The following C11orf65 variants were observed in gnomAD, a reference collection of about 807,000 sequenced individuals.
C11orf65 encodes chromosome 11 open reading frame 65.
C11orf65 carries 38 observed loss-of-function variants against 35.3 expected under a neutral mutation model. The observed-to-expected ratio is 1.08, with a 90% CI of 0.83 to 1.41. C11orf65 has a LOEUF of 1.41. Among genes scored for constraint, C11orf65 ranks in the 40% most tolerant of loss-of-function variants. The pLI, the probability that C11orf65 is intolerant of heterozygous loss-of-function variation, is 0.00. For synonymous variants in C11orf65, 105 were observed against 114.4 expected (o/e 0.92, Z 0.53); for missense variants, 370 against 367.1 (o/e 1.01, Z -0.06).
chr11:108,334,056 A>G (rs972672437), intron 3 of C11orf65: 1 of 1,048,072 alleles, frequency 9.5e-7, no homozygotes, highest in Non-Finnish European at 1.5e-6. Flanking sequence ...ATGTAGGTCA[A>G]AATTGGTTAA....
chr11:108,441,252 A>G (rs933903330), intron 2 of C11orf65, among the ~76,000 whole-genome samples: 17 of 152,192 alleles, frequency 1.1e-4, no homozygotes, highest in African/African-American at 3.1e-4. Context: ...TTGAACTGCA[A>G]GGCGGCAGCG....
At chr11:108,408,323 T>C (rs1232321215) in intron 3 of C11orf65, among the ~76,000 whole-genome samples, 2 of 152,180 alleles carry the variant, frequency 1.3e-5, no homozygotes, top group Non-Finnish European at 2.9e-5. Context: ...CTGATCAACC[T>C]AAATTCAACA....
chr11:108,388,990 G>A (rs2092083386), intron 7 of C11orf65, among the ~76,000 whole-genome samples: 2 of 152,252 alleles, frequency 1.3e-5, no homozygotes, highest in Admixed American at 1.3e-4. Flanking sequence ...TTCATCTCAG[G>A]AGAGCATCGG....
At chr11:108,348,448 T>C (rs1440999997) in intron 2 of C11orf65, among the ~76,000 whole-genome samples, 6 of 151,228 alleles carry the variant, frequency 4.0e-5, no homozygotes, top group Non-Finnish European at 7.4e-5. Context: ...AAAGAATATA[T>C]ATAGCTAAGA....
At chr11:108,317,547 T>C (rs2084798550) in intron 6 of C11orf65, 1 of 1,590,404 alleles carries the variant, frequency 6.3e-7, no homozygotes, top group African/African-American at 1.4e-5. Flanking sequence ...TGATTTTTTT[T>C]TTTTTGCCTC....
At chr11:108,320,586 T>C (rs1188746584) in intron 6 of C11orf65, among the ~76,000 whole-genome samples, 1 of 152,230 alleles carries the variant, frequency 6.6e-6, no homozygotes, top group Non-Finnish European at 1.5e-5. Context: ...TCATATGTAT[T>C]CTCTAATCAT....
At chr11:108,363,897 T>C (rs1296028714) in intron 2 of C11orf65, among the ~76,000 whole-genome samples, 4 of 152,188 alleles carry the variant, frequency 2.6e-5, no homozygotes, top group African/African-American at 4.8e-5. Context: ...CCTTCATTCC[T>C]TTTCATTAGT....
intron 2 of C11orf65, among the ~76,000 whole-genome samples, chr11:108,436,528 T>C (rs558953532): frequency 6.6e-6 from 1 of 152,312 alleles, no homozygotes; most frequent in South Asian, 2.1e-4. Context: ...AAGCATGGTT[T>C]TGATTCTATT....
At chr11:108,388,098 T>C (rs957842007) in intron 7 of C11orf65, among the ~76,000 whole-genome samples, 1 of 152,184 alleles carries the variant, frequency 6.6e-6, no homozygotes, top group African/African-American at 2.4e-5. Context: ...TCATCCTGCT[T>C]GCTTGGATTT....
downstream of C11orf65, chr11:108,327,652 C>T (rs786202730): frequency 1.9e-6 from 3 of 1,613,498 alleles, no homozygotes; most frequent in Non-Finnish European, 2.5e-6. Context: ...CAGAACAATC[C>T]CAGCCTAAAA....
intron 7 of C11orf65, among the ~76,000 whole-genome samples, chr11:108,388,916 C>A (rs1345236707): frequency 6.6e-6 from 1 of 152,240 alleles, no homozygotes; most frequent in Non-Finnish European, 1.5e-5. Flanking sequence ...TCTATCCATT[C>A]TTCCAAATGA....
intron 6 of C11orf65, among the ~76,000 whole-genome samples, chr11:108,398,076 C>A (rs2092360704): frequency 6.6e-6 from 1 of 152,034 alleles, no homozygotes; most frequent in Non-Finnish European, 1.5e-5. Context: ...AGCTGAGCAC[C>A]CTAGGGAGAG....
chr11:108,357,700 G>A (rs11212594), intron 2 of C11orf65, among the ~76,000 whole-genome samples: 2,001 of 152,164 alleles, frequency 0.013, 26 homozygotes, highest in African/African-American at 0.031. Context: ...CACCTCACAC[G>A]GCAGGGTACT....
At position 108,406,635 on chromosome 11, in the gene C11orf65, T is replaced by G. The variant is rs2138655453; in HGVS notation, c.429+128A>C. On this transcript the variant is annotated intron_variant, in intron 5 of 8. Coordinates refer to ENST00000393084, the MANE Select transcript of C11orf65 (RefSeq NM_152587.5). ...ATTAGCAACCCCTGAGTAGCTAACT[T>G]AAGCAAAATTTATCAATTAAATTAC... 3 of 628,148 alleles carry G rather than the reference T, an allele frequency of 4.8e-6. No homozygotes were observed. In the Middle Eastern group the frequency reaches 1.4e-3, roughly 292 times the overall value. 38.9% of individuals were successfully genotyped at this position (628,148 alleles called of 1,614,324 possible). A position where few individuals can be genotyped will look rare whatever the true frequency, so the allele number is the denominator to read the frequency against.
chr11:108,407,071 T>C, intron 4 of C11orf65, 25 bp downstream of exon 4: 1 of 1,598,952 alleles, frequency 6.3e-7, no homozygotes, highest in Non-Finnish European at 8.6e-7. Context: ...TTATAACTAC[T>C]AAATAAGCAT....
chr11:108,426,723 G>A (rs906527949), intron 3 of C11orf65, among the ~76,000 whole-genome samples: 3 of 151,542 alleles, frequency 2.0e-5, no homozygotes, highest in Non-Finnish European at 4.4e-5. Context: ...CAAAGTTGGA[G>A]GCATCATGCT....
At chr11:108,390,197 T>G (rs1369333741) in intron 7 of C11orf65, among the ~76,000 whole-genome samples, 6 of 151,764 alleles carry the variant, frequency 4.0e-5, no homozygotes, top group African/African-American at 1.5e-4. Context: ...GGTTAATTTT[T>G]GTATTTTTAG....
chr11:108,399,982 G>A (rs1331179333), intron 6 of C11orf65, among the ~76,000 whole-genome samples: 2 of 152,168 alleles, frequency 1.3e-5, no homozygotes, highest in African/African-American at 4.8e-5. Context: ...AGACTCTACA[G>A]TTTTTCACTA....
At position 108,345,886 on chromosome 11, in the gene C11orf65, C is replaced by T. The variant is rs878853550; in HGVS notation, c.227-10594G>A. 1 of 1,613,702 alleles carries T rather than the reference C, an allele frequency of 6.2e-7. No individual in the cohort carries two copies. The highest frequency in any genetic ancestry group is 8.5e-7 in the Non-Finnish European group (1 of 1,179,760). ...TTGAGAAGCGATTGGCTTATACGCG[C>T]AGTGTAGCTACTTCTTCTATTGGTA... On this transcript the variant is annotated intron_variant, in intron 2 of 3. Coordinates refer to the C11orf65 transcript ENST00000524755.
Sources: gnomAD v4.1 joint callset for allele counts (sites outside exome capture counted in the v4.1 genomes callset) on GRCh38, gnomAD v4.1.1 for gene constraint, MANE v1.5 for transcripts, NCBI Gene and HGNC (gene_info 2026-07-23, HGNC 2026-07-21) for gene names.